Variants in CHD6 observed in about 807,000 individuals in gnomAD.
CHD6 encodes the protein ATP-dependent chromatin remodeler CHD6.
CHD6 carries 50 observed loss-of-function variants against 276.9 expected under a neutral mutation model. The observed-to-expected ratio is 0.18, with a 90% CI of 0.14 to 0.23. The LOEUF (loss-of-function observed/expected upper bound fraction) is 0.23. CHD6 is among the 10% of genes least tolerant of loss of function. The probability of loss-of-function intolerance (pLI) is 1.00; values close to 1 mark genes in which losing one functional copy is unlikely to be tolerated. For synonymous variants in CHD6, 1,173 were observed against 1,229.3 expected, an observed-to-expected ratio of 0.95 and a Z score of 0.96; for missense variants, 2,564 against 3,365.8, an observed-to-expected ratio of 0.76 and a Z score of 5.89.
At chr20:41,561,361 T>C (rs890561189) in intron 1 of CHD6, among the ~76,000 whole-genome samples, 5 of 152,206 alleles carry the variant, frequency 3.3e-5, no homozygotes, top group Admixed American at 2.6e-4. Flanking sequence ...ATTTAAAAAT[T>C]TGCATGGTTT....
At chr20:41,425,952 G>C in intron 28 of CHD6, 141 bp downstream of exon 28, 1 of 727,772 alleles carries the variant, frequency 1.4e-6, no homozygotes, top group African/African-American at 1.7e-5. Context: ...TGTGACTCTA[G>C]GGGAGTTTGA....
intron 3 of CHD6, among the ~76,000 whole-genome samples, chr20:41,532,421 T>C (rs1391797073): frequency 1.3e-5 from 2 of 152,208 alleles, no homozygotes; most frequent in Non-Finnish European, 2.9e-5. Flanking sequence ...GCACCACTGA[T>C]TCCCGTGACT....
At chr20:41,591,379 T>TATATAC (rs1416193560) in intron 1 of CHD6, among the ~76,000 whole-genome samples, 2 of 144,100 alleles carry the variant, frequency 1.4e-5, no homozygotes, top group Non-Finnish European at 3.0e-5. Context: ...TATATATATA[T>TATATAC]ACACACACAC....
intron 26 of CHD6, among the ~76,000 whole-genome samples, chr20:41,439,356 G>C (rs2003692): frequency 0.23 from 34,719 of 150,414 alleles, 4,126 homozygotes; most frequent in East Asian, 0.39. Context: ...ACTCTATCTC[G>C]GGAAAAAAAA....
intron 2 of CHD6, among the ~76,000 whole-genome samples, chr20:41,540,613 C>T (rs2044922359): frequency 6.6e-6 from 1 of 152,148 alleles, no homozygotes; most frequent in Non-Finnish European, 1.5e-5. Flanking sequence ...GTGCACTTTG[C>T]ACCTGGGCTG....
At chr20:41,508,502 G>A (rs1311965973) in intron 5 of CHD6, among the ~76,000 whole-genome samples, 2 of 152,160 alleles carry the variant, frequency 1.3e-5, no homozygotes, top group African/African-American at 2.4e-5. Flanking sequence ...AACTACAGAA[G>A]TGTGTGCTGC....
At chr20:41,413,815 T>C (rs560212046) in intron 34 of CHD6, 17 of 226,834 alleles carry the variant, frequency 7.5e-5, no homozygotes, top group African/African-American at 3.4e-4. Context: ...CACTGCCCAC[T>C]GTCCCAGGCA....
chr20:41,496,481 C>G (rs943469886), intron 8 of CHD6, among the ~76,000 whole-genome samples: 4 of 152,114 alleles, frequency 2.6e-5, no homozygotes, highest in African/African-American at 9.7e-5. Context: ...GTTTCCTCCA[C>G]GTGTGCTTTA....
Position 41,451,110 on chromosome 20 carries a change from A to C in CHD6, c.3524-5T>G. On this transcript the variant is annotated splice_polypyrimidine_tract_variant and splice_region_variant and intron_variant, in intron 22 of 36. Transcript: ENST00000373233. ...TGGGGACTGGGGCAGATAAGCCTGA[A>C]ACAGAAAGACAGCATAGGGCAAGTG... The C allele has an allele frequency of 6.2e-7, 1 of 1,613,196 alleles. No individual in the cohort carries two copies. Among genetic ancestry groups the C allele is most frequent in the Non-Finnish European group, 8.5e-7 (1 of 1,179,442 alleles).
At chr20:41,573,372 T>C (rs2045439523) in intron 1 of CHD6, among the ~76,000 whole-genome samples, 1 of 152,232 alleles carries the variant, frequency 6.6e-6, no homozygotes, top group Non-Finnish European at 1.5e-5. Context: ...GATGAATGAA[T>C]GAAGATCTTG....
At chr20:41,504,802 A>C (rs2043937743) in intron 5 of CHD6, among the ~76,000 whole-genome samples, 4 of 152,104 alleles carry the variant, frequency 2.6e-5, no homozygotes, top group Admixed American at 2.6e-4. Context: ...GTCTGCTTCT[A>C]TTATATGATT....
chr20:41,556,243 A>G (rs1204836258), intron 1 of CHD6, among the ~76,000 whole-genome samples: 1 of 149,654 alleles, frequency 6.7e-6, no homozygotes, highest in African/African-American at 2.5e-5. Flanking sequence ...GAGACCGTGG[A>G]AAGAGGGAGA....
intron 1 of CHD6, among the ~76,000 whole-genome samples, chr20:41,618,123 A>T (rs2045953860): frequency 2.7e-5 from 4 of 149,266 alleles, no homozygotes; most frequent in Admixed American, 2.7e-4. Flanking sequence ...CCCTCTCCCC[A>T]GGCCGCAGGC....
Position 41,522,186 on chromosome 20 carries a change from G to A in CHD6, c.555-7234C>T, listed in dbSNP as rs115993570. ...GAAACCCCATCTCTACAAAAAAATC[G>A]GGAAAAAAAATCAGCCACACATGAT... On this transcript the variant is annotated intron_variant, in intron 3 of 36. Transcript: ENST00000373233. 7.0e-3 allele frequency among the ~76,000 whole-genome samples: 1,061 copies of A among 151,810 alleles called. 14 individuals are homozygous for A. Among genetic ancestry groups the A allele is most frequent in the African/African-American group, 0.024 (1,000 of 41,388 alleles).
intron 1 of CHD6, among the ~76,000 whole-genome samples, chr20:41,578,381 G>A (rs1290464846): frequency 2.0e-5 from 3 of 152,112 alleles, no homozygotes; most frequent in Non-Finnish European, 4.4e-5. Context: ...GCGAATAAAT[G>A]AATTTCCTCA....
chr20:41,550,811 C>T (rs887359766), intron 2 of CHD6, among the ~76,000 whole-genome samples: 2 of 152,246 alleles, frequency 1.3e-5, no homozygotes, highest in Non-Finnish European at 2.9e-5. Flanking sequence ...ACTCTCCATC[C>T]CACACGCCCT....
At chr20:41,551,714 C>T (rs971214594) in intron 1 of CHD6, among the ~76,000 whole-genome samples, 1 of 152,124 alleles carries the variant, frequency 6.6e-6, no homozygotes, top group South Asian at 2.1e-4. Context: ...GTAAGGTAAG[C>T]CCTCATCCCT....
chr20:41,403,835 ACCC>A lies in CHD6; in HGVS notation c.*755_*757del, dbSNP rs1219851355. 3.8e-6 allele frequency: 4 copies of A among 1,057,010 alleles called. No individual in the cohort carries two copies. The highest frequency in any genetic ancestry group is 4.6e-6 in the Non-Finnish European group (4 of 874,238). The allele number at this position is 1,057,010 out of a possible 1,614,324, so 65.5% of individuals were successfully genotyped here. ...TCTACGGAGCGCGGGTCCTTGCCCCACCCCCGTCGACAGCAATAACTCATGGTG... is the reference window on the plus strand; with the variant it reads ...TCTACGGAGCGCGGGTCCTTGCCCCACCGTCGACAGCAATAACTCATGGTG... On this transcript the variant is annotated 3_prime_UTR_variant, in exon 37 of 37. Transcript: ENST00000373233.
intron 2 of CHD6, among the ~76,000 whole-genome samples, chr20:41,540,029 T>G (rs575991315): frequency 6.6e-6 from 1 of 152,230 alleles, no homozygotes; most frequent in African/African-American, 2.4e-5. Context: ...AGACCAAATG[T>G]TAACCATCAT....
Sources: gnomAD v4.1 joint callset for allele counts (sites outside exome capture counted in the v4.1 genomes callset) on GRCh38, gnomAD v4.1.1 for gene constraint, MANE v1.5 for transcripts, NCBI Gene and HGNC (gene_info 2026-07-23, HGNC 2026-07-21) for gene names.